The following GPR158 variants were observed in gnomAD, a reference collection of about 807,000 sequenced individuals.
GPR158 encodes G protein-coupled receptor 158.
In GPR158, 30 loss-of-function variants were observed where a neutral mutation model predicts 78.2. The ratio of observed to expected loss-of-function variants is 0.38; its 90% CI spans 0.29 to 0.52. The LOEUF is 0.52. Ranked by LOEUF, GPR158 falls within the 20% of genes least tolerant of loss-of-function variation. GPR158 has a pLI of 0.83. For missense variants in GPR158, 1,463 were observed against 1,523.5 expected, an observed-to-expected ratio of 0.96 and a Z score of 0.66; for synonymous variants, 581 against 591.1, an observed-to-expected ratio of 0.98 and a Z score of 0.25.
intron 5 of GPR158, among the ~76,000 whole-genome samples, chr10:25,502,111 G>A (rs1340450952): frequency 6.6e-6 from 1 of 152,168 alleles, no homozygotes; most frequent in Non-Finnish European, 1.5e-5. Context: ...TGCTTCTTGA[G>A]ATGAAACAAT....
chr10:25,559,476 G>A (rs1242602080), intron 6 of GPR158, among the ~76,000 whole-genome samples: 1 of 151,876 alleles, frequency 6.6e-6, no homozygotes, highest in Non-Finnish European at 1.5e-5. Flanking sequence ...GAAATCTAAA[G>A]AAAAAAATAT....
intron 7 of GPR158, among the ~76,000 whole-genome samples, chr10:25,585,271 A>C (rs1837252522): frequency 6.6e-6 from 1 of 152,204 alleles, no homozygotes; most frequent in African/African-American, 2.4e-5. Context: ...CATGAAACTG[A>C]CATCATTTAG....
chr10:25,484,688 G>C (rs1488736889), intron 5 of GPR158, among the ~76,000 whole-genome samples: 1 of 152,180 alleles, frequency 6.6e-6, no homozygotes, highest in East Asian at 1.9e-4. Flanking sequence ...TGAAGTATCA[G>C]TTCATTTCTA....
intron 5 of GPR158, chr10:25,475,856 T>C (rs1287449146): frequency 6.6e-6 from 1 of 152,178 alleles, no homozygotes; most frequent in Non-Finnish European, 1.5e-5. Flanking sequence ...TCCATGGAAG[T>C]AGGCTTTGTG....
chr10:25,517,382 G>T (rs1256309805), intron 5 of GPR158, among the ~76,000 whole-genome samples: 1 of 151,962 alleles, frequency 6.6e-6, no homozygotes, highest in African/African-American at 2.4e-5. Context: ...CTGCCTGATT[G>T]CCCTGGCCAG....
chr10:25,399,712 A>T (rs1834414937), intron 3 of GPR158, among the ~76,000 whole-genome samples: 1 of 152,244 alleles, frequency 6.6e-6, no homozygotes, highest in Non-Finnish European at 1.5e-5. Context: ...CAACCTGACT[A>T]GGAATATGAG....
intron 2 of GPR158, among the ~76,000 whole-genome samples, chr10:25,332,665 C>T (rs1855143384): frequency 6.6e-6 from 1 of 152,106 alleles, no homozygotes; most frequent in Non-Finnish European, 1.5e-5. Flanking sequence ...TTGTTCTTTC[C>T]ATCATACCGT....
intron 2 of GPR158, among the ~76,000 whole-genome samples, chr10:25,242,027 T>C (rs963467333): frequency 6.6e-6 from 1 of 152,222 alleles, no homozygotes; most frequent in Non-Finnish European, 1.5e-5. Flanking sequence ...CTTAAATGAG[T>C]GAAATGTTTC....
chr10:25,459,411 C>A (rs1161541311), intron 4 of GPR158, among the ~76,000 whole-genome samples: 2 of 151,990 alleles, frequency 1.3e-5, no homozygotes, highest in South Asian at 4.1e-4. Context: ...GATGCTGGGT[C>A]CAACTATATA....
chr10:25,191,064 C>T (rs1852765682), intron 1 of GPR158, among the ~76,000 whole-genome samples: 1 of 152,214 alleles, frequency 6.6e-6, no homozygotes. Context: ...TCTCACAATA[C>T]AGTCCCCTGA....
At chr10:25,243,567 G>T (rs933032350) in intron 2 of GPR158, among the ~76,000 whole-genome samples, 5 of 152,136 alleles carry the variant, frequency 3.3e-5, no homozygotes, top group African/African-American at 1.2e-4. Context: ...AACTAGATTA[G>T]ATATCACCTT....
chr10:25,290,110 G>A (rs1854413152), intron 2 of GPR158, among the ~76,000 whole-genome samples: 1 of 152,150 alleles, frequency 6.6e-6, no homozygotes, highest in South Asian at 2.1e-4. Flanking sequence ...ATTGATGGTA[G>A]GATTGACTAG....
chr10:25,451,746 G>A (rs142989069), intron 4 of GPR158, among the ~76,000 whole-genome samples: 24 of 152,290 alleles, frequency 1.6e-4, no homozygotes, highest in African/African-American at 5.5e-4. Flanking sequence ...AGGGTTAAAT[G>A]TGTTTTGTGG....
Position 25,600,380 on chromosome 10 carries a change from T to C in GPR158, c.*1106T>C, listed in dbSNP as rs1837479299. 1 of 152,478 alleles carries C rather than the reference T, an allele frequency of 6.6e-6. No homozygotes were observed. The highest frequency in any genetic ancestry group is 6.6e-5 in the Admixed American group (1 of 15,264). The allele number at this position is 152,478 out of a possible 1,614,324, so 9.4% of individuals were successfully genotyped here. A position where few individuals can be genotyped will look rare whatever the true frequency, so the allele number is the denominator to read the frequency against. On this transcript the variant is annotated 3_prime_UTR_variant, in exon 11 of 11. Coordinates refer to ENST00000376351, the MANE Select transcript of GPR158 (RefSeq NM_020752.3). ...TATTACTATTGGAAAGGGAAGACTC[T>C]AGGGATGACATAAGAATTATAGCAG...
At chr10:25,397,789 A>G (rs1834382229) in intron 3 of GPR158, among the ~76,000 whole-genome samples, 2 of 152,254 alleles carry the variant, frequency 1.3e-5, no homozygotes, top group African/African-American at 4.8e-5. Flanking sequence ...GTCATCTATG[A>G]ATTTGCTGGG....
chr10:25,396,969 C>G (rs1364623041), intron 3 of GPR158, among the ~76,000 whole-genome samples: 1 of 152,034 alleles, frequency 6.6e-6, no homozygotes. Flanking sequence ...CTAAAAGTTC[C>G]CTCAAGACCT....
At position 25,600,570 on chromosome 10, in the gene GPR158, TTAAAG is replaced by T. The variant is rs1261267631; in HGVS notation, c.*1299_*1303del. ...TGAAAATACAGTATTTTAAAATACC[TTAAAG>T]TATTTATTCTCATAAACTCTTATTC... On this transcript the variant is annotated 3_prime_UTR_variant, in exon 11 of 11. Coordinates refer to ENST00000376351, the MANE Select transcript of GPR158 (RefSeq NM_020752.3). The T allele has an allele frequency of 1.3e-5, 2 of 152,624 alleles. No individual in the cohort carries two copies. Among genetic ancestry groups the T allele is most frequent in the Non-Finnish European group, 2.9e-5 (2 of 68,040 alleles). The allele number at this position is 152,624 out of a possible 1,614,324, so 9.5% of individuals were successfully genotyped here.
intron 2 of GPR158, among the ~76,000 whole-genome samples, chr10:25,302,702 A>G (rs1237674998): frequency 2.0e-5 from 3 of 152,214 alleles, no homozygotes; most frequent in Non-Finnish European, 4.4e-5. Flanking sequence ...TGCGAGCCAT[A>G]CAAAAACAGA....
intron 2 of GPR158, among the ~76,000 whole-genome samples, chr10:25,266,850 A>G (rs1019030194): frequency 6.6e-6 from 1 of 152,276 alleles, no homozygotes; most frequent in East Asian, 1.9e-4. Context: ...TTTTTTGTCC[A>G]TGAAAATACT....
Sources: gnomAD v4.1 joint callset for allele counts (sites outside exome capture counted in the v4.1 genomes callset) on GRCh38, gnomAD v4.1.1 for gene constraint, MANE v1.5 for transcripts, NCBI Gene and HGNC (gene_info 2026-07-23, HGNC 2026-07-21) for gene names.